Variants in CDO1 observed in about 807,000 individuals in gnomAD.
The protein encoded by CDO1 is cysteine dioxygenase, type I.
A neutral mutation model predicts 24.5 loss-of-function variants in CDO1; 19 were observed. The observed-to-expected ratio is 0.77, with a 90% confidence interval of 0.54 to 1.14. The LOEUF is 1.14. CDO1 is among the 50% of genes most tolerant of loss of function. The pLI, the probability that CDO1 is intolerant of heterozygous loss-of-function variation, is 0.00. For missense variants in CDO1, 244 were observed against 244.8 expected, an observed-to-expected ratio of 1.00 and a Z score of 0.02; for synonymous variants, 91 against 87.0, an observed-to-expected ratio of 1.05 and a Z score of -0.26.
chr5:115,816,294 G>T lies in CDO1; in HGVS notation c.104C>A (p.Ala35Asp), dbSNP rs1192782427. The T allele has an allele frequency of 6.2e-7, 1 of 1,614,050 alleles. No individual in the cohort carries two copies. Among genetic ancestry groups the T allele is most frequent in the East Asian group, 2.2e-5 (1 of 44,882 alleles). ...GTCGCTCTCGTAGGCTTCCATGATG[G>T]CCTGCACCTCCTCTACATTGACCTC... Reference protein sequence around the residue: ...GDEVNVEEVQAIMEAYESDPT... With the variant: ...GDEVNVEEVQDIMEAYESDPT... The change falls in exon 1 of 5, where the codon GCC becomes GAC. Residue 35 changes from alanine to aspartate, a missense_variant. Physicochemically the swap from Ala to Asp is moderately radical, Grantham distance 126. Coordinates refer to ENST00000250535, the MANE Select transcript of CDO1 (RefSeq NM_001801.3).
intron 1 of CDO1, among the ~76,000 whole-genome samples, chr5:115,814,799 G>A (rs1467547410): frequency 6.6e-6 from 1 of 152,180 alleles, no homozygotes; most frequent in Non-Finnish European, 1.5e-5. Context: ...AGCCGCTATC[G>A]ATAGAAGACC....
rs1158557701 is a variant in CDO1 at position 115,816,548 on chromosome 5, G to C, written c.-151C>G. On this transcript the variant is annotated 5_prime_UTR_variant, in exon 1 of 5. Transcript: ENST00000250535. ...AAACCCAGCATTAGAGTGCCGAAAC[G>C]TAAGGATGTCGTCGCAGAGACAGCA... The C allele has an allele frequency of 2.2e-5, 18 of 822,734 alleles. No homozygotes were observed. Among genetic ancestry groups the C allele is most frequent in the Non-Finnish European group, 3.3e-5 (17 of 520,044 alleles). The allele number at this position is 822,734 out of a possible 1,614,324, so 51.0% of individuals were successfully genotyped here.
rs1760461764 is a variant in CDO1, at chr5:115,816,543, G to A, written c.-146C>T. 2 of 840,828 alleles carry A rather than the reference G, an allele frequency of 2.4e-6. No homozygotes were observed. Among genetic ancestry groups the A allele is most frequent in the Non-Finnish European group, 3.7e-6 (2 of 534,736 alleles). 52.1% of individuals were successfully genotyped at this position (840,828 alleles called of 1,614,324 possible). ...CGCACAAACCCAGCATTAGAGTGCCGAAACGTAAGGATGTCGTCGCAGAGA... is the reference window on the plus strand; with the variant it reads ...CGCACAAACCCAGCATTAGAGTGCCAAAACGTAAGGATGTCGTCGCAGAGA... On this transcript the variant is annotated 5_prime_UTR_variant, in exon 1 of 5. Transcript: ENST00000250535.
intron 3 of CDO1, among the ~76,000 whole-genome samples, chr5:115,808,085 TC>T (rs1760028365): frequency 6.6e-6 from 1 of 152,102 alleles, no homozygotes; most frequent in Non-Finnish European, 1.5e-5. Context: ...GCTCAAGTGA[TC>T]CTCCCACTTA....
Position 115,816,377 on chromosome 5 carries a change from C to G in CDO1, c.21G>C (p.Leu7=). Residue 7 remains leucine (L), a synonymous_variant, in exon 1 of 5, where the codon CTG becomes CTC. Coordinates refer to ENST00000250535, the MANE Select transcript of CDO1 (RefSeq NM_001801.3). ...TCAGATCAGCCAGGGTCCGTGGCTT[C>G]AGCACTTCGGTCTGTTCCATCTCGT... is the stretch of plus-strand genomic sequence containing the variant. MEQTEV[L]KPRTLADLIR... is the part of the protein sequence containing the mutation. 1 of 1,613,580 alleles carries G rather than the reference C, an allele frequency of 6.2e-7. No individual in the cohort carries two copies. Among genetic ancestry groups the G allele is most frequent in the Non-Finnish European group, 8.5e-7 (1 of 1,180,022 alleles).
chr5:115,811,010 C>T, intron 3 of CDO1, 151 bp downstream of exon 3: 3 of 769,718 alleles, frequency 3.9e-6, no homozygotes, highest in Non-Finnish European at 6.3e-6. Flanking sequence ...GCTTAAAAAA[C>T]AAAACCTGCT....
At chr5:115,811,093 T>C in intron 3 of CDO1, 68 bp downstream of exon 3, 2 of 1,408,120 alleles carry the variant, frequency 1.4e-6, no homozygotes, top group East Asian at 2.3e-5. Context: ...AAAGTGTAAG[T>C]AACCAATATT....
At chr5:115,809,459 A>G (rs1484114462) in intron 3 of CDO1, among the ~76,000 whole-genome samples, 3 of 152,144 alleles carry the variant, frequency 2.0e-5, no homozygotes, top group East Asian at 1.9e-4. Context: ...GATATTCCCA[A>G]TTATAACTCT....
At chr5:115,806,543 AT>A in intron 3 of CDO1, 25 bp from the exon 4 acceptor site, 2 of 1,586,772 alleles carry the variant, frequency 1.3e-6, no homozygotes, top group Non-Finnish European at 1.7e-6. Context: ...GGAAGGAAAA[AT>A]AGATAAAGGA....
In CDO1 at chr5:115,805,147, C is replaced by A; in HGVS notation, c.*286G>T. ...AAAGCTATGAAAACCCTCACTGACGCTCCTAGTATGGATTTAATGGAATTA... is the reference window on the plus strand; with the variant it reads ...AAAGCTATGAAAACCCTCACTGACGATCCTAGTATGGATTTAATGGAATTA... On this transcript the variant is annotated 3_prime_UTR_variant, in exon 5 of 5. Transcript: ENST00000250535. 1 of 350,522 alleles carries A rather than the reference C, an allele frequency of 2.9e-6. No individual in the cohort carries two copies. The highest frequency in any genetic ancestry group is 5.1e-6 in the Non-Finnish European group (1 of 195,764). 21.7% of individuals were successfully genotyped at this position (350,522 alleles called of 1,614,324 possible).
intron 1 of CDO1, chr5:115,814,476 G>C (rs906034360): frequency 6.6e-6 from 1 of 152,156 alleles, no homozygotes; most frequent in Admixed American, 6.6e-5. Context: ...CCTTCACAGC[G>C]CTAGGCACCT....
intron 2 of CDO1, 94 bp downstream of exon 2, chr5:115,813,087 C>G: frequency 2.7e-6 from 1 of 366,152 alleles, no homozygotes; most frequent in Non-Finnish European, 5.3e-6. Flanking sequence ...AGATTTGTTA[C>G]TACTTGTAAG....
At chr5:115,813,664 C>T (rs1760299235) in intron 1 of CDO1, among the ~76,000 whole-genome samples, 1 of 150,696 alleles carries the variant, frequency 6.6e-6, no homozygotes, top group Admixed American at 6.6e-5. Context: ...TAAATCAAGA[C>T]TTGAGAAACA....
rs1428843260 is a variant in CDO1, at chr5:115,805,019, G to C, written c.*414C>G. ...TTAAGAACATACAAAGTATACTAAA[G>C]ACATCTACATTTAGTCCTCCAGGTA... On this transcript the variant is annotated 3_prime_UTR_variant, in exon 5 of 5. Transcript: ENST00000250535. 6.2e-6 allele frequency: 1 copy of C among 160,838 alleles called. No homozygotes were observed. The highest frequency in any genetic ancestry group is 1.3e-5 in the Non-Finnish European group (1 of 74,076). The allele number at this position is 160,838 out of a possible 1,614,324, so 10.0% of individuals were successfully genotyped here.
At chr5:115,809,410 C>T (rs531189004) in intron 3 of CDO1, among the ~76,000 whole-genome samples, 1 of 152,200 alleles carries the variant, frequency 6.6e-6, no homozygotes, top group African/African-American at 2.4e-5. Flanking sequence ...CCTCCCTTCT[C>T]CTCCACCCTA....
At position 115,816,184 on chromosome 5, in the gene CDO1, G is replaced by C. The variant is rs773485073; in HGVS notation, c.170+44C>G. ...CCCCACGTCCATTCCTCCTCAGACG[G>C]GGCGAGTGGGCGCCGCCTGGCATTG... On this transcript the variant is annotated intron_variant, in intron 1 of 4. Transcript: ENST00000250535. 2.5e-6 allele frequency: 4 copies of C among 1,592,012 alleles called. No homozygotes were observed. The East Asian group carries it at 9.1e-5, about 36-fold the overall frequency.
In CDO1 at chr5:115,806,335, G is replaced by T; in HGVS notation, c.573+14C>A. The stretch of plus-strand genomic sequence containing the variant: ...ACCTACAGAGCATTTAAACCTAGAA[G>T]AAATTATACTCACATTTGGAGTTCT... On this transcript the variant is annotated intron_variant, in intron 4 of 4. Coordinates refer to ENST00000250535, the MANE Select transcript of CDO1 (RefSeq NM_001801.3). 1 of 1,587,382 alleles carries T rather than the reference G, an allele frequency of 6.3e-7. No homozygotes were observed. Among genetic ancestry groups the T allele is most frequent in the South Asian group, 1.2e-5 (1 of 86,912 alleles).
At chr5:115,806,631 A>G in intron 3 of CDO1, 113 bp from the exon 4 acceptor site, 1 of 749,276 alleles carries the variant, frequency 1.3e-6, no homozygotes, top group Non-Finnish European at 2.1e-6. Context: ...AATGGAATAG[A>G]TATTAATTAG....
chr5:115,816,214 T>C lies in CDO1; in HGVS notation c.170+14A>G, dbSNP rs1357737418. 6.2e-7 allele frequency: 1 copy of C among 1,608,102 alleles called. No individual in the cohort carries two copies. Among genetic ancestry groups the C allele is most frequent in the African/African-American group, 1.3e-5 (1 of 74,648 alleles). On this transcript the variant is annotated intron_variant, in intron 1 of 4. Coordinates refer to ENST00000250535, the MANE Select transcript of CDO1 (RefSeq NM_001801.3). ...AGTGGGCGCCGCCTGGCATTGAAGC[T>C]GCAGCGCGCTCACCTGTACTGGTCG...
Sources: gnomAD v4.1 joint callset for allele counts (sites outside exome capture counted in the v4.1 genomes callset) on GRCh38, gnomAD v4.1.1 for gene constraint, MANE v1.5 for transcripts, NCBI Gene and HGNC (gene_info 2026-07-23, HGNC 2026-07-21) for gene names.